Variants in CFAP97D1 observed in about 807,000 individuals in gnomAD.
CFAP97D1 encodes the protein CFAP97 domain containing 1.
In CFAP97D1, 15 loss-of-function variants were observed where a neutral mutation model predicts 20.5. The observed-to-expected ratio is 0.73, with a 90% CI of 0.49 to 1.13. The LOEUF (loss-of-function observed/expected upper bound fraction) is 1.13, where lower values mean the gene tolerates loss of function less well. Among genes scored for constraint, CFAP97D1 ranks in the 50% most tolerant of loss-of-function variants. CFAP97D1 has a pLI of 0.00. For missense variants in CFAP97D1, 168 were observed against 202.9 expected (o/e 0.83, Z 1.04); for synonymous variants, 58 against 71.2 (o/e 0.82, Z 0.93).
At position 43,786,225 on chromosome 17, in the gene CFAP97D1, A is replaced by G. The variant is rs969221847; in HGVS notation, c.*1843A>G. On this transcript the variant is annotated 3_prime_UTR_variant, in exon 6 of 6. Transcript: ENST00000449302. ...TTGGATGATGCCTCTCCACATTGAG[A>G]GTGGATCTTCCCACATAGTTCACTC... is the stretch of plus-strand genomic sequence containing the variant. 2 of 152,114 alleles carry G rather than the reference A, an allele frequency of 1.3e-5. No individual in the cohort carries two copies. The highest frequency in any genetic ancestry group is 2.9e-5 in the Non-Finnish European group (2 of 68,026). The allele number at this position is 152,114 out of a possible 1,614,324, so 9.4% of individuals were successfully genotyped here.
Position 43,783,322 on chromosome 17 carries a change from T to C in CFAP97D1, c.438+19T>C. 1.3e-6 allele frequency: 2 copies of C among 1,550,752 alleles called. No homozygotes were observed. Among genetic ancestry groups the C allele is most frequent in the Non-Finnish European group, 1.7e-6 (2 of 1,146,648 alleles). On this transcript the variant is annotated intron_variant, in intron 4 of 5. Transcript: ENST00000449302. ...CTGGCAGGCACGTGGGCACTCATGT[T>C]ATACTCCCAGACACACACAGAGTTT...
rs1401609504 is a variant in CFAP97D1, at chr17:43,787,134, T to C, written c.*2752T>C. 6.6e-6 allele frequency: 1 copy of C among 152,058 alleles called. No homozygotes were observed. The highest frequency in any genetic ancestry group is 1.5e-5 in the Non-Finnish European group (1 of 68,026). 9.4% of individuals were successfully genotyped at this position (152,058 alleles called of 1,614,324 possible). On this transcript the variant is annotated 3_prime_UTR_variant, in exon 6 of 6. Transcript: ENST00000449302. ...AGCATGCATCACCAGGCCCGGCTAA[T>C]TTTTATATTTTTAGTAGAGACAGGG... is the stretch of plus-strand genomic sequence containing the variant.
At chr17:43,782,081 T>C (rs1045648724) in intron 3 of CFAP97D1, among the ~76,000 whole-genome samples, 189 bp downstream of exon 3, 5 of 152,234 alleles carry the variant, frequency 3.3e-5, no homozygotes, top group Admixed American at 3.3e-4. Flanking sequence ...TAAAGAGCTT[T>C]TATTTCATCG....
At chr17:43,783,386 T>A in intron 4 of CFAP97D1, 83 bp downstream of exon 4, 1 of 1,493,166 alleles carries the variant, frequency 6.7e-7, no homozygotes, top group Non-Finnish European at 9.1e-7. Flanking sequence ...GAAAAATCCC[T>A]GAACAGCTAG....
Position 43,783,271 on chromosome 17 carries a change from T to C in CFAP97D1, c.406T>C (p.Tyr136His). 6.4e-7 allele frequency: 1 copy of C among 1,551,216 alleles called. No homozygotes were observed. Among genetic ancestry groups the C allele is most frequent in the Non-Finnish European group, 8.7e-7 (1 of 1,146,796 alleles). The change falls in exon 4 of 6, where the codon TAT becomes CAT. Residue 136 changes from tyrosine to histidine, a missense_variant. Physicochemically the swap from Tyr to His is moderately conservative, Grantham distance 83. Coordinates refer to ENST00000449302, the MANE Select transcript of CFAP97D1 (RefSeq NM_001136483.3). The part of the protein sequence containing the change: ...LKRLVDRKPH[Y>H]DRRASEIDWQ... ...GAGGCTTGTTGATCGCAAACCCCAC[T>C]ATGACCGCAGGGCATCTGAGATAGA...
chr17:43,782,710 T>G (rs1974486985), intron 3 of CFAP97D1: 1 of 157,496 alleles, frequency 6.3e-6, no homozygotes, highest in Non-Finnish European at 1.4e-5. Flanking sequence ...GAGAAAGAAT[T>G]TGCTGGGGGC....
intron 3 of CFAP97D1, 75 bp from the exon 4 acceptor site, chr17:43,783,105 T>C: frequency 6.5e-7 from 1 of 1,534,986 alleles, no homozygotes; most frequent in South Asian, 1.2e-5. Context: ...ATTTATGATC[T>C]CATGACTTCA....
intron 5 of CFAP97D1, 58 bp downstream of exon 5, chr17:43,783,951 C>G: frequency 1.4e-6 from 2 of 1,386,038 alleles, no homozygotes. Context: ...GCCCTGAGAA[C>G]CCCATAAATG....
chr17:43,784,303 A>G (rs2044276509), intron 5 of CFAP97D1, 80 bp from the exon 6 acceptor site: 1 of 163,344 alleles, frequency 6.1e-6, no homozygotes, highest in African/African-American at 2.4e-5. Flanking sequence ...AGGGAGAAAG[A>G]TAAATGGACA....
Position 43,783,865 on chromosome 17 carries a change from C to A in CFAP97D1, c.467C>A (p.Thr156Lys), listed in dbSNP as rs766487798. 3.2e-6 allele frequency: 5 copies of A among 1,550,272 alleles called. No individual in the cohort carries two copies. In the African/African-American group the frequency reaches 6.9e-5, roughly 21 times the overall value. The change falls in exon 5 of 6, where the codon ACG (threonine) becomes AAG (lysine). Residue 156 changes from threonine (T) to lysine (K), a missense_variant. Transcript: ENST00000449302. Reference sequence around the variant, plus strand: ...TCAAGGCGCTATATCAGAAATACCACGAGATATCTTCTCTCCCAAAATGAA... The same window carrying A: ...TCAAGGCGCTATATCAGAAATACCAAGAGATATCTTCTCTCCCAAAATGAA... ...QNSRRYIRNT[T>K]RYLLSQNE
At chr17:43,780,635 G>A in intron 1 of CFAP97D1, 49 bp downstream of exon 1, 1 of 1,548,302 alleles carries the variant, frequency 6.5e-7, no homozygotes, top group Non-Finnish European at 8.7e-7. Flanking sequence ...TTTTGGAATG[G>A]TACCCCATAA....
intron 4 of CFAP97D1, 123 bp downstream of exon 4, chr17:43,783,426 T>TA: frequency 7.6e-7 from 1 of 1,315,526 alleles, no homozygotes; most frequent in Non-Finnish European, 1.0e-6. Flanking sequence ...TAACAATCGT[T>TA]AAAAGAAAAA....
rs150301420 is a variant in CFAP97D1 at position 43,782,158 on chromosome 17, G to A, written c.314+266G>A. 1.5e-3 allele frequency among the ~76,000 whole-genome samples: 223 copies of A among 152,288 alleles called. 1 individual carries two copies. Among genetic ancestry groups the A allele is most frequent in the African/African-American group, 5.1e-3 (210 of 41,552 alleles). Reference sequence around the variant, plus strand: ...CACTGCGCACTTTTATAAAATGGTGGCCATGTGTCTTAGTCCATTATAGGG... The same window carrying A: ...CACTGCGCACTTTTATAAAATGGTGACCATGTGTCTTAGTCCATTATAGGG... On this transcript the variant is annotated intron_variant, in intron 3 of 5. Coordinates refer to ENST00000449302, the MANE Select transcript of CFAP97D1 (RefSeq NM_001136483.3).
Position 43,787,386 on chromosome 17 carries a change from G to C in CFAP97D1, c.*3004G>C, listed in dbSNP as rs1375113557. ...CTATAATTTGTCTTTTCATCCTCAG[G>C]GTCTTTGACAGAGTAAAATATTTTT... On this transcript the variant is annotated 3_prime_UTR_variant, in exon 6 of 6. Transcript: ENST00000449302. 6.6e-6 allele frequency: 1 copy of C among 151,906 alleles called. No individual in the cohort carries two copies. The highest frequency in any genetic ancestry group is 1.9e-4 in the East Asian group (1 of 5,192). The allele number at this position is 151,906 out of a possible 1,614,324, so 9.4% of individuals were successfully genotyped here. A position where few individuals can be genotyped will look rare whatever the true frequency, so the allele number is the denominator to read the frequency against.
At chr17:43,784,077 A>G (rs1310109800) in intron 5 of CFAP97D1, among the ~76,000 whole-genome samples, 184 bp downstream of exon 5, 3 of 152,232 alleles carry the variant, frequency 2.0e-5, no homozygotes, top group Non-Finnish European at 4.4e-5. Context: ...CCATACAAGA[A>G]GGAAATGACA....
At chr17:43,780,750 C>T (rs1974463603) in intron 1 of CFAP97D1, among the ~76,000 whole-genome samples, 164 bp downstream of exon 1, 1 of 152,114 alleles carries the variant, frequency 6.6e-6, no homozygotes, top group Admixed American at 6.5e-5. Context: ...AATGTATCTT[C>T]CACCAGGGAG....
chr17:43,782,471 C>T (rs1974484754), intron 3 of CFAP97D1, among the ~76,000 whole-genome samples: 1 of 152,138 alleles, frequency 6.6e-6, no homozygotes, highest in African/African-American at 2.4e-5. Context: ...TTTTGGGGGA[C>T]ACAGGCATCT....
chr17:43,786,321 A>G lies in CFAP97D1; in HGVS notation c.*1939A>G, dbSNP rs947043240. 2.0e-5 allele frequency: 3 copies of G among 152,222 alleles called. No homozygotes were observed. Among genetic ancestry groups the G allele is most frequent in the Non-Finnish European group, 4.4e-5 (3 of 68,030 alleles). 9.4% of individuals were successfully genotyped at this position (152,222 alleles called of 1,614,324 possible). On this transcript the variant is annotated 3_prime_UTR_variant, in exon 6 of 6. Coordinates refer to ENST00000449302, the MANE Select transcript of CFAP97D1 (RefSeq NM_001136483.3). The stretch of plus-strand genomic sequence containing the variant: ...AAAAATAATGCTTTACCAGGTTTCT[A>G]TTCAGTCAAGTTGGCACCTTAAATT...
rs1322493080 is a variant in CFAP97D1, at chr17:43,785,003, GA to G, written c.*622del. The G allele has an allele frequency of 6.0e-5, 6 of 100,316 alleles. No homozygotes were observed. Among genetic ancestry groups the G allele is most frequent in the African/African-American group, 2.5e-4 (6 of 24,174 alleles). 6.2% of individuals were successfully genotyped at this position (100,316 alleles called of 1,614,324 possible). On this transcript the variant is annotated 3_prime_UTR_variant, in exon 6 of 6. Transcript: ENST00000449302. ...TTTGCCAAAGAGACAGACTCAATAG[GA>G]GAGAGAGAGAGAGAGAGAGAGTGAG...
Sources: allele counts gnomAD v4.1 joint callset (sites outside exome capture counted in the v4.1 genomes callset), GRCh38; gene constraint gnomAD v4.1.1; transcripts MANE v1.5; gene names NCBI Gene and HGNC (gene_info 2026-07-23, HGNC 2026-07-21).